The following AGPAT4 variants were observed in gnomAD, a reference collection of about 807,000 sequenced individuals.
AGPAT4 encodes the protein 1-acylglycerol-3-phosphate O-acyltransferase 4.
Under a neutral mutation model 48.0 loss-of-function variants are expected in AGPAT4, and 15 were observed. The ratio of observed to expected loss-of-function variants is 0.31; its 90% CI spans 0.21 to 0.48. AGPAT4 has a LOEUF of 0.48. Ranked by LOEUF, AGPAT4 falls within the 20% of genes least tolerant of loss-of-function variation. The probability of loss-of-function intolerance (pLI) is 0.99; values close to 1 mark genes in which losing one functional copy is unlikely to be tolerated. For missense variants in AGPAT4, 314 were observed against 482.5 expected (o/e 0.65, Z 3.27); for synonymous variants, 178 against 198.7 (o/e 0.90, Z 0.88).
At position 161,251,596 on chromosome 6, in the gene AGPAT4, C is replaced by T. The variant is rs1024862597; in HGVS notation, c.-89-19294G>A. Among the ~76,000 whole-genome samples the T allele has an allele frequency of 2.6e-5, 4 of 152,280 alleles. No homozygotes were observed. The highest frequency in any genetic ancestry group is 2.1e-4 in the South Asian group (1 of 4,816). ...TGCATTACAGACCAGCCTGTCCGGC[C>T]GCTGGTTAAAGACCCGCAGGGAGGA... is the stretch of plus-strand genomic sequence containing the variant. On this transcript the variant is annotated intron_variant, in intron 1 of 8. Coordinates refer to ENST00000320285, the MANE Select transcript of AGPAT4 (RefSeq NM_020133.3). This position sits in a 1 kb window ranked among gnomAD's most constrained non-coding sequence, Gnocchi z 4.6.
rs1583269496 is a variant in AGPAT4, at chr6:161,136,239, G to A, written c.*301C>T. The A allele has an allele frequency of 5.6e-6, 2 of 357,550 alleles. No homozygotes were observed. The highest frequency in any genetic ancestry group is 6.0e-5 in the East Asian group (1 of 16,736). The allele number at this position is 357,550 out of a possible 1,614,324, so 22.1% of individuals were successfully genotyped here. On this transcript the variant is annotated 3_prime_UTR_variant, in exon 9 of 9. Coordinates refer to ENST00000320285, the MANE Select transcript of AGPAT4 (RefSeq NM_020133.3). ...TCGGTCCCCAGCCCTGCCCTCCCCT[G>A]CAGCCTAAAATACCCTTTCTATGAT... is the stretch of plus-strand genomic sequence containing the variant.
chr6:161,247,016 C>G (rs1433328797), intron 1 of AGPAT4, among the ~76,000 whole-genome samples: 3 of 152,244 alleles, frequency 2.0e-5, no homozygotes, highest in Non-Finnish European at 4.4e-5. Context: ...CAAGATTGCT[C>G]TCCATACCTT....
intron 2 of AGPAT4, among the ~76,000 whole-genome samples, chr6:161,210,366 G>A (rs947708836): frequency 1.3e-5 from 2 of 152,164 alleles, no homozygotes; most frequent in African/African-American, 4.8e-5. Context: ...GCCTAGGATT[G>A]TGAAACAGAT....
Position 161,197,657 on chromosome 6 carries a change from T to C in AGPAT4, c.179-31240A>G, listed in dbSNP as rs1166564828. On this transcript the variant is annotated intron_variant, in intron 2 of 8. Coordinates refer to ENST00000320285, the MANE Select transcript of AGPAT4 (RefSeq NM_020133.3). This position sits in a 1 kb window ranked among gnomAD's most constrained non-coding sequence, Gnocchi z 5.7. ...CCCTGCTGTTCCTAACCTAGAGCCG[T>C]TGTCTTGCAGGAGCTCCTAGAAGGA... 1.3e-5 allele frequency among the ~76,000 whole-genome samples: 2 copies of C among 152,142 alleles called. No individual in the cohort carries two copies. Among genetic ancestry groups the C allele is most frequent in the African/African-American group, 4.8e-5 (2 of 41,426 alleles).
At position 161,147,190 on chromosome 6, in the gene AGPAT4, A is replaced by G. The variant is rs1388202533; in HGVS notation, c.768-591T>C. ...TGGAAGTAGCCAGGGCATCTTCCCCAGGCTCCATGGCTCAGACAGGGGTCT... is the reference window on the plus strand; with the variant it reads ...TGGAAGTAGCCAGGGCATCTTCCCCGGGCTCCATGGCTCAGACAGGGGTCT... On this transcript the variant is annotated intron_variant, in intron 6 of 8. Coordinates refer to ENST00000320285, the MANE Select transcript of AGPAT4 (RefSeq NM_020133.3). The surrounding 1 kb of genome is among the most constrained non-coding windows in gnomAD (Gnocchi z 4.8). Among the ~76,000 whole-genome samples, 4 of 152,186 alleles carry G rather than the reference A, an allele frequency of 2.6e-5. No individual in the cohort carries two copies. The South Asian group carries it at 6.2e-4, about 24-fold the overall frequency.
At position 161,132,728 on chromosome 6, in the gene AGPAT4, A is replaced by C. The variant is rs537451105; in HGVS notation, c.*3812T>G. 6.6e-6 allele frequency: 1 copy of C among 152,390 alleles called. No homozygotes were observed. Among genetic ancestry groups the C allele is most frequent in the Non-Finnish European group, 1.5e-5 (1 of 68,064 alleles). 9.4% of individuals were successfully genotyped at this position (152,390 alleles called of 1,614,324 possible). On this transcript the variant is annotated 3_prime_UTR_variant, in exon 9 of 9. Transcript: ENST00000320285. ...TCTCTGTGAACATCACTTAGGAGCT[A>C]CGTCAGTTAAGGCATCGTGAGACAC... is the stretch of plus-strand genomic sequence containing the variant.
chr6:161,258,943 C>T (rs919381829), intron 1 of AGPAT4, among the ~76,000 whole-genome samples: 1 of 151,692 alleles, frequency 6.6e-6, no homozygotes, highest in Non-Finnish European at 1.5e-5. Context: ...ATTACAGGCG[C>T]CCGCCACCAG....
chr6:161,188,834 T>C (rs1321367071), intron 2 of AGPAT4, among the ~76,000 whole-genome samples: 1 of 152,064 alleles, frequency 6.6e-6, no homozygotes, highest in East Asian at 1.9e-4. Flanking sequence ...CATCATTCCC[T>C]AGAATCCCGA....
intron 2 of AGPAT4, among the ~76,000 whole-genome samples, chr6:161,192,691 G>A (rs1308624825): frequency 6.6e-6 from 1 of 151,920 alleles, no homozygotes; most frequent in Non-Finnish European, 1.5e-5. Flanking sequence ...ATTTTCTTTA[G>A]TGAGGATATG....
At position 161,171,401 on chromosome 6, in the gene AGPAT4, C is replaced by G. The variant is rs530196673; in HGVS notation, c.179-4984G>C. ...GGCAAGGTCCTTCTTGCTGTGTCAT[C>G]CCATAGGGGAAGGCAGAAGGCAGAA... On this transcript the variant is annotated intron_variant, in intron 2 of 8. Coordinates refer to ENST00000320285, the MANE Select transcript of AGPAT4 (RefSeq NM_020133.3). The surrounding 1 kb of genome is among the most constrained non-coding windows in gnomAD (Gnocchi z 4.4). Among the ~76,000 whole-genome samples, 13 of 152,300 alleles carry G rather than the reference C, an allele frequency of 8.5e-5. No homozygotes were observed. In the South Asian group the frequency reaches 2.7e-3, roughly 32 times the overall value.
rs1781258657 is a variant in AGPAT4, at chr6:161,202,318, T to C, written c.178+29718A>G. 6.6e-6 allele frequency among the ~76,000 whole-genome samples: 1 copy of C among 152,048 alleles called. No homozygotes were observed. The highest frequency in any genetic ancestry group is 6.5e-5 in the Admixed American group (1 of 15,268). ...GCTGGCTATTGGCTGTAGATCTCAA[T>C]TCCTCTTCTCATGGGCCCGTCTGAG... On this transcript the variant is annotated intron_variant, in intron 2 of 8. Coordinates refer to ENST00000320285, the MANE Select transcript of AGPAT4 (RefSeq NM_020133.3). This position sits in a 1 kb window ranked among gnomAD's most constrained non-coding sequence, Gnocchi z 5.4.
chr6:161,227,060 G>A (rs1346336282), intron 2 of AGPAT4, among the ~76,000 whole-genome samples: 1 of 152,218 alleles, frequency 6.6e-6, no homozygotes, highest in Non-Finnish European at 1.5e-5. Context: ...TCACCTAGCA[G>A]GTCAGCTAGC....
At position 161,205,330 on chromosome 6, in the gene AGPAT4, A is replaced by C. The variant is rs552462797; in HGVS notation, c.178+26706T>G. Among the ~76,000 whole-genome samples, 15 of 152,306 alleles carry C rather than the reference A, an allele frequency of 9.8e-5. No individual in the cohort carries two copies. The South Asian group carries it at 2.9e-3, about 29-fold the overall frequency. ...TGGTGAGAACCAACCCAAAGAGGACACAGGGCATTCTTAAGGCTCCTTTCT... is the reference window on the plus strand; with the variant it reads ...TGGTGAGAACCAACCCAAAGAGGACCCAGGGCATTCTTAAGGCTCCTTTCT... On this transcript the variant is annotated intron_variant, in intron 2 of 8. Transcript: ENST00000320285.
Position 161,238,359 on chromosome 6 carries a change from A to C in AGPAT4, c.-89-6057T>G, listed in dbSNP as rs1782364816. Among the ~76,000 whole-genome samples, 1 of 152,200 alleles carries C rather than the reference A, an allele frequency of 6.6e-6. No individual in the cohort carries two copies. The highest frequency in any genetic ancestry group is 1.9e-4 in the East Asian group (1 of 5,198). The stretch of plus-strand genomic sequence containing the variant: ...ACCCCAAGTAATGGGGGATTTTTCT[A>C]TCATTTGCAAGAAGGCAAAGAAGGA... On this transcript the variant is annotated intron_variant, in intron 1 of 8. Transcript: ENST00000320285. The surrounding 1 kb of genome is among the most constrained non-coding windows in gnomAD (Gnocchi z 5.2).
intron 2 of AGPAT4, among the ~76,000 whole-genome samples, chr6:161,191,792 AAG>A (rs771296015): frequency 1.4e-4 from 21 of 152,240 alleles, no homozygotes; most frequent in African/African-American, 2.4e-4. Context: ...GTAGGTGCAG[AAG>A]AGAGTTACAC....
At position 161,264,091 on chromosome 6, in the gene AGPAT4, A is replaced by T. The variant is rs931845049; in HGVS notation, c.-90+9847T>A. On this transcript the variant is annotated intron_variant, in intron 1 of 8. Transcript: ENST00000320285. The surrounding 1 kb of genome is among the most constrained non-coding windows in gnomAD (Gnocchi z 6.8). Reference sequence around the variant, plus strand: ...CAGCTTCTAGTAAGTGCTGCGTAACACATGTTGATTACAAAGTACATAAAT... The same window carrying T: ...CAGCTTCTAGTAAGTGCTGCGTAACTCATGTTGATTACAAAGTACATAAAT... Among the ~76,000 whole-genome samples the T allele has an allele frequency of 9.2e-5, 14 of 152,200 alleles. No homozygotes were observed. The highest frequency in any genetic ancestry group is 3.4e-4 in the African/African-American group (14 of 41,448).
rs979577383 is a variant in AGPAT4 at position 161,142,450 on chromosome 6, T to A, written c.844-2830A>T. ...GGAACTGGGAAATGTAGTTATTGAA[T>A]GAAGGAGAGTTGGTTTGTTTCCAGA... is the stretch of plus-strand genomic sequence containing the variant. On this transcript the variant is annotated intron_variant, in intron 7 of 8. Transcript: ENST00000320285. This position sits in a 1 kb window ranked among gnomAD's most constrained non-coding sequence, Gnocchi z 6.4. 6.6e-6 allele frequency among the ~76,000 whole-genome samples: 1 copy of A among 152,104 alleles called. No individual in the cohort carries two copies. Among genetic ancestry groups the A allele is most frequent in the African/African-American group, 2.4e-5 (1 of 41,412 alleles).
chr6:161,228,660 G>GAAAAAAAAAAAAAAAAAA (rs1562347784), intron 2 of AGPAT4, among the ~76,000 whole-genome samples: 1 of 53,012 alleles, frequency 1.9e-5, no homozygotes, highest in Non-Finnish European at 3.4e-5. Context: ...TGTCAGAGAG[G>GAAAAAAAAAAAAAAAAAA]TAAAAAAAAA....
chr6:161,253,543 C>T (rs756690196), intron 1 of AGPAT4, among the ~76,000 whole-genome samples: 2 of 151,708 alleles, frequency 1.3e-5, no homozygotes, highest in Non-Finnish European at 2.9e-5. Context: ...CATGAGCCAC[C>T]GCACCCAGCC....
Sources: allele counts gnomAD v4.1 joint callset (sites outside exome capture counted in the v4.1 genomes callset), GRCh38; gene constraint gnomAD v4.1.1; non-coding constraint Gnocchi (gnomAD v3.1); transcripts MANE v1.5; gene names NCBI Gene and HGNC (gene_info 2026-07-23, HGNC 2026-07-21).